CSMD1: variants seen among roughly 807,000 people sequenced by gnomAD.
CSMD1 encodes the protein CUB and Sushi multiple domains 1.
Under a neutral mutation model 417.5 loss-of-function variants are expected in CSMD1, and 213 were observed. The observed-to-expected ratio is 0.51, with a 90% confidence interval of 0.46 to 0.57. The LOEUF is 0.57. Among genes scored for constraint, CSMD1 ranks in the 20% least tolerant of loss-of-function variants. CSMD1 has a pLI of 0.00. For missense variants in CSMD1, 6,923 were observed against 4,529.7 expected (o/e 1.53, Z -15.17); for synonymous variants, 2,862 against 1,736.8 (o/e 1.65, Z -16.11).
chr8:3,590,101 TA>T (rs1179160114), intron 8 of CSMD1, among the ~76,000 whole-genome samples: 5 of 151,826 alleles, frequency 3.3e-5, no homozygotes, highest in Admixed American at 1.3e-4. Flanking sequence ...TAAAGAAAAA[TA>T]AAAATGACAT....
intron 2 of CSMD1, among the ~76,000 whole-genome samples, chr8:4,591,928 G>A (rs917344326): frequency 1.3e-5 from 2 of 152,078 alleles, no homozygotes; most frequent in African/African-American, 4.8e-5. Flanking sequence ...TCAGGAGATC[G>A]GAGGAAAGGC....
intron 3 of CSMD1, among the ~76,000 whole-genome samples, chr8:4,131,724 G>A (rs1426473015): frequency 2.3e-5 from 3 of 128,406 alleles, no homozygotes; most frequent in East Asian, 2.4e-4. Flanking sequence ...CAATGCAGTT[G>A]TTATCAAGAT....
At chr8:3,708,279 A>T in intron 7 of CSMD1, 135 bp downstream of exon 7, 1 of 689,590 alleles carries the variant, frequency 1.5e-6, no homozygotes, top group South Asian at 1.8e-5. Flanking sequence ...TCTCCCAGAA[A>T]ATACTTTTGG....
intron 3 of CSMD1, among the ~76,000 whole-genome samples, chr8:4,303,560 C>G (rs1385142319): frequency 2.0e-5 from 3 of 151,150 alleles, no homozygotes; most frequent in African/African-American, 7.3e-5. Context: ...TAAAAAATTT[C>G]TTCTCAGCAG....
rs184495495 is a variant in CSMD1 at position 4,439,426 on chromosome 8, T to C, written c.303-19361A>G. The stretch of plus-strand genomic sequence containing the variant: ...ACGTTTATTACTTAATATTTAATAA[T>C]GTAATGATTTTCATCTAACTTTTTC... On this transcript the variant is annotated intron_variant, in intron 2 of 69. Coordinates refer to ENST00000635120, the MANE Select transcript of CSMD1 (RefSeq NM_033225.6). Among the ~76,000 whole-genome samples the C allele has an allele frequency of 1.8e-3, 279 of 152,282 alleles. 1 individual carries two copies. The highest frequency in any genetic ancestry group is 6.5e-3 in the African/African-American group (272 of 41,562).
At chr8:4,094,286 G>C (rs574111950) in intron 3 of CSMD1, among the ~76,000 whole-genome samples, 1 of 152,114 alleles carries the variant, frequency 6.6e-6, no homozygotes, top group Non-Finnish European at 1.5e-5. Flanking sequence ...GGAGGCGGTA[G>C]GGAACAAGGA....
At chr8:3,439,566 C>A (rs893143561) in intron 12 of CSMD1, among the ~76,000 whole-genome samples, 1 of 149,644 alleles carries the variant, frequency 6.7e-6, no homozygotes, top group Non-Finnish European at 1.5e-5. Flanking sequence ...TTATCAGATA[C>A]GTGGTTTGAA....
Position 3,795,955 on chromosome 8 carries a change from TACAGATATAGATATCTATCATGTACAG to T in CSMD1, c.819-41940_819-41914del, listed in dbSNP as rs1800070346. Among the ~76,000 whole-genome samples the T allele has an allele frequency of 1.3e-4, 6 of 44,682 alleles. 1 individual carries two copies. The highest frequency in any genetic ancestry group is 6.2e-4 in the East Asian group (1 of 1,616). The allele number at this position is 44,682 out of a possible 152,430, so 29.3% of individuals were successfully genotyped here. On this transcript the variant is annotated intron_variant, in intron 5 of 69. Transcript: ENST00000635120. The stretch of plus-strand genomic sequence containing the variant: ...TGTACAGATATAGATATCTATCATG[TACAGATATAGATATCTATCATGTACAG>T]ATATAGATATATATCTATCATGTAT...
intron 3 of CSMD1, among the ~76,000 whole-genome samples, chr8:4,273,655 G>A (rs1020891227): frequency 7.9e-5 from 12 of 152,148 alleles, no homozygotes; most frequent in Admixed American, 5.9e-4. Context: ...ATAGAGAGCA[G>A]TAATCTGTAG....
At chr8:2,972,793 C>G (rs1804571211) in intron 57 of CSMD1, among the ~76,000 whole-genome samples, 1 of 152,208 alleles carries the variant, frequency 6.6e-6, no homozygotes, top group Non-Finnish European at 1.5e-5. Flanking sequence ...GCTCACTGCT[C>G]TGGAACCCCA....
intron 3 of CSMD1, among the ~76,000 whole-genome samples, chr8:4,035,097 A>T (rs1199564795): frequency 6.6e-6 from 1 of 152,186 alleles, no homozygotes; most frequent in Non-Finnish European, 1.5e-5. Context: ...AGTAATATAT[A>T]GTTGTGAGCT....
chr8:3,133,448 T>G (rs1585431949), intron 41 of CSMD1, among the ~76,000 whole-genome samples: 1 of 151,932 alleles, frequency 6.6e-6, no homozygotes, highest in Non-Finnish European at 1.5e-5. Flanking sequence ...CAGCTGGGGG[T>G]GCCTTGGCCT....
chr8:3,906,185 TG>T (rs1808097155), intron 5 of CSMD1, among the ~76,000 whole-genome samples: 1 of 152,158 alleles, frequency 6.6e-6, no homozygotes, highest in African/African-American at 2.4e-5. Context: ...TATGGGTTAA[TG>T]TAAGTGAATC....
At chr8:4,121,450 G>C (rs933739868) in intron 3 of CSMD1, among the ~76,000 whole-genome samples, 5 of 152,046 alleles carry the variant, frequency 3.3e-5, no homozygotes, top group Admixed American at 6.6e-5. Flanking sequence ...CACCGGTCAA[G>C]GGCTTCTTTG....
chr8:3,766,530 A>C lies in CSMD1; in HGVS notation c.819-12488T>G, dbSNP rs371505446. The stretch of plus-strand genomic sequence containing the variant: ...GCCTCCTATAATACTTGGACATTTG[A>C]AACAGGGAGCAGTCGGCACTGGCAA... On this transcript the variant is annotated intron_variant, in intron 5 of 69. Transcript: ENST00000635120. Among the ~76,000 whole-genome samples, 3 of 152,160 alleles carry C rather than the reference A, an allele frequency of 2.0e-5. No individual in the cohort carries two copies. In the East Asian group the frequency reaches 5.8e-4, roughly 29 times the overall value.
intron 5 of CSMD1, among the ~76,000 whole-genome samples, chr8:3,863,120 G>C (rs115846229): frequency 6.6e-6 from 1 of 152,050 alleles, no homozygotes; most frequent in Non-Finnish European, 1.5e-5. Flanking sequence ...TGCGAAGGTC[G>C]GGCGCGGTGG....
chr8:4,351,777 T>G (rs1801109133), intron 3 of CSMD1, among the ~76,000 whole-genome samples: 1 of 152,094 alleles, frequency 6.6e-6, no homozygotes. Context: ...AAATTGCCAC[T>G]TATTTTGTGC....
At chr8:3,469,861 T>C (rs972573778) in intron 11 of CSMD1, among the ~76,000 whole-genome samples, 2 of 152,240 alleles carry the variant, frequency 1.3e-5, no homozygotes, top group African/African-American at 2.4e-5. Context: ...GTGAATGCTG[T>C]GTGGTTAACT....
chr8:4,010,944 T>C (rs1816491960), intron 4 of CSMD1, among the ~76,000 whole-genome samples: 1 of 152,176 alleles, frequency 6.6e-6, no homozygotes, highest in South Asian at 2.1e-4. Flanking sequence ...TGGCCCATAA[T>C]GATGCCCAGC....
Sources: allele counts gnomAD v4.1 joint callset (sites outside exome capture counted in the v4.1 genomes callset), GRCh38; gene constraint gnomAD v4.1.1; transcripts MANE v1.5; gene names NCBI Gene and HGNC (gene_info 2026-07-23, HGNC 2026-07-21).